The following ADARB2 variants were observed in gnomAD, a reference collection of about 807,000 sequenced individuals.
The protein encoded by ADARB2 is inactive double-stranded RNA-specific editase B2.
ADARB2 carries 25 observed loss-of-function variants against 62.2 expected under a neutral mutation model. The ratio of observed to expected loss-of-function variants is 0.40; its 90% CI spans 0.29 to 0.56. The LOEUF is 0.56. ADARB2 is among the 20% of genes least tolerant of loss of function. The pLI, the probability that ADARB2 is intolerant of heterozygous loss-of-function variation, is 0.43. For missense variants in ADARB2, 1,071 were observed against 1,077.4 expected (o/e 0.99, Z 0.08); for synonymous variants, 572 against 500.8 (o/e 1.14, Z -1.90).
intron 4 of ADARB2, among the ~76,000 whole-genome samples, chr10:1,269,049 G>A (rs1033219390): frequency 7.9e-5 from 12 of 152,168 alleles, no homozygotes; most frequent in Non-Finnish European, 1.8e-4. Context: ...TATGCCTCTG[G>A]GGCTGGAAGT....
chr10:1,280,730 TATTCCTAAGTGATGCTCCGTGAA>T (rs1236596143), intron 3 of ADARB2, among the ~76,000 whole-genome samples: 9 of 140,998 alleles, frequency 6.4e-5, no homozygotes, highest in Non-Finnish European at 1.2e-4. Context: ...TGCTCTATGA[TATTCCTAAGTGATGCTCCGTGAA>T]ATTCCTAAGT....
chr10:1,224,167 C>A (rs568928157), intron 6 of ADARB2, among the ~76,000 whole-genome samples: 1 of 152,098 alleles, frequency 6.6e-6, no homozygotes, highest in Admixed American at 6.5e-5. Flanking sequence ...ATGTATGTGT[C>A]GAGGAATTTA....
chr10:1,258,242 T>G (rs1224128280), intron 4 of ADARB2, among the ~76,000 whole-genome samples: 1 of 152,186 alleles, frequency 6.6e-6, no homozygotes, highest in Non-Finnish European at 1.5e-5. Context: ...AGGAAGAAAC[T>G]GCATCAACTA....
intron 1 of ADARB2, among the ~76,000 whole-genome samples, chr10:1,430,739 CAA>C (rs113983256): frequency 3.7e-5 from 5 of 133,706 alleles, no homozygotes; most frequent in East Asian, 2.1e-4. Flanking sequence ...GACTCCGTCT[CAA>C]AAAAAAAAAA....
At chr10:1,664,857 A>G (rs1294470695) in intron 1 of ADARB2, among the ~76,000 whole-genome samples, 1 of 152,242 alleles carries the variant, frequency 6.6e-6, no homozygotes, top group Non-Finnish European at 1.5e-5. Context: ...AGACTGCCAG[A>G]GTTCTTCTGT....
At chr10:1,458,653 T>A (rs1212866242) in intron 1 of ADARB2, among the ~76,000 whole-genome samples, 2 of 152,078 alleles carry the variant, frequency 1.3e-5, no homozygotes, top group Non-Finnish European at 2.9e-5. Flanking sequence ...TGCTTTTACA[T>A]TTTTCTGCCT....
At chr10:1,270,220 T>A (rs566858815) in intron 4 of ADARB2, among the ~76,000 whole-genome samples, 1 of 152,314 alleles carries the variant, frequency 6.6e-6, no homozygotes, top group African/African-American at 2.4e-5. Context: ...TGTTTGTATG[T>A]CAGCTCGATG....
intron 1 of ADARB2, among the ~76,000 whole-genome samples, chr10:1,435,436 G>T (rs1402801169): frequency 6.6e-6 from 1 of 152,170 alleles, no homozygotes; most frequent in African/African-American, 2.4e-5. Flanking sequence ...TGTTCCTTCC[G>T]CTTGAGGGCA....
At chr10:1,636,291 C>T (rs371780597) in intron 1 of ADARB2, among the ~76,000 whole-genome samples, 12 of 152,240 alleles carry the variant, frequency 7.9e-5, no homozygotes, top group East Asian at 5.8e-4. Context: ...CTGAAGCAGG[C>T]GGATCACTTG....
In ADARB2 at chr10:1,587,205, C is replaced by T. The variant is rs78212393; in HGVS notation, c.100+149846G>A. 5.0e-3 allele frequency among the ~76,000 whole-genome samples: 762 copies of T among 152,140 alleles called. 7 individuals are homozygous for T. The highest frequency in any genetic ancestry group is 0.018 in the African/African-American group (731 of 41,488). On this transcript the variant is annotated intron_variant, in intron 1 of 9. Transcript: ENST00000381312. Reference sequence around the variant, plus strand: ...TTTGTCCCTAAAGAATTATTTTGACCTCAAAAACAAAACAACAAAACAAAA... The same window carrying T: ...TTTGTCCCTAAAGAATTATTTTGACTTCAAAAACAAAACAACAAAACAAAA...
chr10:1,449,206 C>G (rs1564291913), intron 1 of ADARB2, among the ~76,000 whole-genome samples: 1 of 152,188 alleles, frequency 6.6e-6, no homozygotes, highest in South Asian at 2.1e-4. Context: ...CTATTATCAA[C>G]AACTGTCACT....
intron 3 of ADARB2, among the ~76,000 whole-genome samples, chr10:1,350,595 T>C (rs1449360745): frequency 6.6e-6 from 1 of 152,174 alleles, no homozygotes; most frequent in African/African-American, 2.4e-5. Flanking sequence ...CTCCTTTTCT[T>C]TACCCGACCT....
chr10:1,737,273 T>A lies in ADARB2; in HGVS notation c.-123A>T. The A allele has an allele frequency of 1.1e-6, 1 of 916,680 alleles. No homozygotes were observed. Among genetic ancestry groups the A allele is most frequent in the Non-Finnish European group, 1.7e-6 (1 of 595,402 alleles). 56.8% of individuals were successfully genotyped at this position (916,680 alleles called of 1,614,324 possible). A position where few individuals can be genotyped will look rare whatever the true frequency, so the allele number is the denominator to read the frequency against. On this transcript the variant is annotated 5_prime_UTR_variant, in exon 1 of 10. In the 5' UTR this introduces an upstream ATG that the reference lacks. Coordinates refer to ENST00000381312, the MANE Select transcript of ADARB2 (RefSeq NM_018702.4). ...GGTTGCAAACCCGGGAGCGGCTCAC[T>A]TTTCAGGACTGAGCAGGAAAGCGCG...
chr10:1,382,904 G>A (rs193025088), intron 1 of ADARB2, among the ~76,000 whole-genome samples: 20 of 152,276 alleles, frequency 1.3e-4, no homozygotes, highest in Admixed American at 1.2e-3. Context: ...CACATCCTGG[G>A]TTCTTGAGCT....
At chr10:1,281,929 A>T (rs753458516) in intron 3 of ADARB2, among the ~76,000 whole-genome samples, 2 of 152,336 alleles carry the variant, frequency 1.3e-5, no homozygotes, top group Middle Eastern at 3.4e-3. Context: ...AATTTAAAAA[A>T]CTTTCCTTAC....
chr10:1,468,211 C>A (rs1831276678), intron 1 of ADARB2, among the ~76,000 whole-genome samples: 1 of 152,010 alleles, frequency 6.6e-6, no homozygotes. Context: ...AATGTAAAAC[C>A]CAGCCAAGCC....
intron 1 of ADARB2, among the ~76,000 whole-genome samples, chr10:1,589,719 T>C (rs898763606): frequency 6.6e-6 from 1 of 152,156 alleles, no homozygotes; most frequent in Non-Finnish European, 1.5e-5. Flanking sequence ...TGTCGCCCAG[T>C]CTGGAGTGCA....
chr10:1,374,990 G>C (rs947201052), intron 2 of ADARB2, among the ~76,000 whole-genome samples: 1 of 152,054 alleles, frequency 6.6e-6, no homozygotes, highest in Admixed American at 6.5e-5. Context: ...GGAGGCAGTG[G>C]CTCCTGGCAT....
At chr10:1,555,373 C>T (rs919325374) in intron 1 of ADARB2, among the ~76,000 whole-genome samples, 1 of 152,204 alleles carries the variant, frequency 6.6e-6, no homozygotes, top group Non-Finnish European at 1.5e-5. Context: ...ACCTCACAAG[C>T]ATCTTATTTT....
Sources: allele counts gnomAD v4.1 joint callset (sites outside exome capture counted in the v4.1 genomes callset), GRCh38; gene constraint gnomAD v4.1.1; transcripts MANE v1.5; gene names NCBI Gene and HGNC (gene_info 2026-07-23, HGNC 2026-07-21).